Variants in PDK4 observed in about 807,000 individuals in gnomAD.
PDK4 encodes pyruvate dehydrogenase kinase, isozyme 4.
A neutral mutation model predicts 51.7 loss-of-function variants in PDK4; 43 were observed. That is an observed-to-expected ratio of 0.83 (90% CI 0.65 to 1.07). The LOEUF is 1.07. Ranked by LOEUF, PDK4 falls within the 50% of genes least tolerant of loss-of-function variation. The probability of loss-of-function intolerance (pLI) is 0.00; values close to 1 mark genes in which losing one functional copy is unlikely to be tolerated. For synonymous variants in PDK4, 170 were observed against 176.6 expected (o/e 0.96, Z 0.30); for missense variants, 498 against 503.5 (o/e 0.99, Z 0.10).
At position 95,593,686 on chromosome 7, in the gene PDK4, G is replaced by C; in HGVS notation, c.344+13C>G. On this transcript the variant is annotated intron_variant, in intron 3 of 10. Transcript: ENST00000005178. ...CAAAGTTTTAAACACTTATTCTAAT[G>C]CATAGAGCTTACTCTGATAATGCTT... The C allele has an allele frequency of 7.8e-7, 1 of 1,274,620 alleles. No individual in the cohort carries two copies. The allele number at this position is 1,274,620 out of a possible 1,614,324, so 79.0% of individuals were successfully genotyped here.
At chr7:95,587,687 C>A (rs1316687733) in intron 8 of PDK4, 40 bp downstream of exon 8, 8 of 1,390,096 alleles carry the variant, frequency 5.8e-6, no homozygotes, top group South Asian at 1.2e-5. Context: ...CTATTTAATT[C>A]TCTCAAGAGA....
rs998141819 is a variant in PDK4 at position 95,585,569 on chromosome 7, C to T, written c.*72G>A. 18 of 1,351,902 alleles carry T rather than the reference C, an allele frequency of 1.3e-5. No individual in the cohort carries two copies. In the African/African-American group the frequency reaches 2.5e-4, roughly 18 times the overall value. 83.7% of individuals were successfully genotyped at this position (1,351,902 alleles called of 1,614,324 possible). A position where few individuals can be genotyped will look rare whatever the true frequency, so the allele number is the denominator to read the frequency against. ...TTGTTTTGGAGGAAACAAGGGTTCA[C>T]ACACAAACATTCAGGAAGCAGCACT... is the stretch of plus-strand genomic sequence containing the variant. On this transcript the variant is annotated 3_prime_UTR_variant, in exon 11 of 11. Coordinates refer to ENST00000005178, the MANE Select transcript of PDK4 (RefSeq NM_002612.4).
At chr7:95,587,589 T>TA (rs1300314547) in intron 8 of PDK4, 61 bp from the exon 9 acceptor site, 16 of 1,262,010 alleles carry the variant, frequency 1.3e-5, no homozygotes, top group Middle Eastern at 3.7e-4. Flanking sequence ...TTTGTCTAAA[T>TA]AAAAATGGCT....
chr7:95,587,220 G>A, intron 9 of PDK4, 97 bp from the exon 10 acceptor site: 1 of 764,398 alleles, frequency 1.3e-6, no homozygotes, highest in South Asian at 1.6e-5. Context: ...TAATGTCCTA[G>A]AACCTAAATA....
At position 95,596,319 on chromosome 7, in the gene PDK4, G is replaced by A. The variant is rs773890670; in HGVS notation, c.-26C>T. On this transcript the variant is annotated 5_prime_UTR_variant, in exon 1 of 11. Coordinates refer to ENST00000005178, the MANE Select transcript of PDK4 (RefSeq NM_002612.4). Reference sequence around the variant, plus strand: ...CTTGACGCCCACCCGGCCTGGCGGGGACTGTGGCTGGCTTGAGGGGCGAAG... The same window carrying A: ...CTTGACGCCCACCCGGCCTGGCGGGAACTGTGGCTGGCTTGAGGGGCGAAG... The A allele has an allele frequency of 1.3e-6, 2 of 1,555,100 alleles. No individual in the cohort carries two copies. Among genetic ancestry groups the A allele is most frequent in the South Asian group, 1.2e-5 (1 of 84,802 alleles).
At chr7:95,585,977 T>C (rs1056235134) in intron 10 of PDK4, among the ~76,000 whole-genome samples, 196 bp from the exon 11 acceptor site, 1 of 150,890 alleles carries the variant, frequency 6.6e-6, no homozygotes, top group Admixed American at 6.7e-5. Context: ...TTGAAGACTT[T>C]TGCTCATTTA....
chr7:95,586,300 T>G (rs919772950), intron 10 of PDK4, among the ~76,000 whole-genome samples: 2 of 145,076 alleles, frequency 1.4e-5, no homozygotes, highest in African/African-American at 5.1e-5. Context: ...GTTCAAGCAA[T>G]TCTCTTGCCT....
chr7:95,587,357 T>TC (rs1280235290), intron 9 of PDK4, 61 bp downstream of exon 9: 1 of 1,004,774 alleles, frequency 1.0e-6, no homozygotes, highest in Non-Finnish European at 1.6e-6. Flanking sequence ...TCCCTTGCAA[T>TC]CCTTGCTCTA....
At position 95,591,917 on chromosome 7, in the gene PDK4, T is replaced by C. The variant is rs564853579; in HGVS notation, c.694+71A>G. 19 of 816,028 alleles carry C rather than the reference T, an allele frequency of 2.3e-5. 1 individual carries two copies. The South Asian group carries it at 3.2e-4, about 14-fold the overall frequency. 50.5% of individuals were successfully genotyped at this position (816,028 alleles called of 1,614,324 possible). On this transcript the variant is annotated intron_variant, in intron 6 of 10. Coordinates refer to ENST00000005178, the MANE Select transcript of PDK4 (RefSeq NM_002612.4). ...ATGAACACAGAAGTTGCTTTATATTTACAAAAAGCAATAATATTAGGAGAA... is the reference window on the plus strand; with the variant it reads ...ATGAACACAGAAGTTGCTTTATATTCACAAAAAGCAATAATATTAGGAGAA...
intron 6 of PDK4, among the ~76,000 whole-genome samples, 175 bp downstream of exon 6, chr7:95,591,813 T>C (rs896965851): frequency 6.6e-6 from 1 of 152,302 alleles, no homozygotes; most frequent in East Asian, 1.9e-4. Flanking sequence ...ATAGGCAGAA[T>C]TGGAGCCTTC....
chr7:95,594,998 G>A lies in PDK4; in HGVS notation c.272+25C>T, dbSNP rs200456990. The A allele has an allele frequency of 1.1e-4, 173 of 1,549,754 alleles. No homozygotes were observed. In the African/African-American group the frequency reaches 2.0e-3, roughly 18 times the overall value. The stretch of plus-strand genomic sequence containing the variant: ...CCCGGGTAACTGTTTCAAAACTAGA[G>A]ACTTCAATATGGTTCACCACTTACC... On this transcript the variant is annotated intron_variant, in intron 2 of 10. Coordinates refer to ENST00000005178, the MANE Select transcript of PDK4 (RefSeq NM_002612.4).
rs747301664 is a variant in PDK4 at position 95,587,017 on chromosome 7, T to C, written c.1088A>G (p.Tyr363Cys). Residue 363 changes from tyrosine to cysteine, a missense_variant, in exon 10 of 11, where the codon TAC becomes TGC. Physicochemically the swap from Tyr to Cys is radical, Grantham distance 194 (BLOSUM62 -2). Transcript: ENST00000005178. ...ATTGAATTCAAGGGATACCTTTAAG[T>C]AGATGATAGCATCTGTTCCATATCC... is the stretch of plus-strand genomic sequence containing the variant. ...LSGYGTDAII[Y>C]LKALSSESIE... 10 of 1,537,844 alleles carry C rather than the reference T, an allele frequency of 6.5e-6. No homozygotes were observed. Among genetic ancestry groups the C allele is most frequent in the Non-Finnish European group, 8.1e-6 (9 of 1,111,468 alleles).
rs773690779 is a variant in PDK4 at position 95,587,872 on chromosome 7, G to A, written c.772-47C>T. 9.7e-6 allele frequency: 11 copies of A among 1,133,534 alleles called. No homozygotes were observed. In the Admixed American group the frequency reaches 1.5e-4, roughly 15 times the overall value. 70.2% of individuals were successfully genotyped at this position (1,133,534 alleles called of 1,614,324 possible). On this transcript the variant is annotated intron_variant, in intron 7 of 10. Transcript: ENST00000005178. ...GGAATTCAATGGCAGAGGAATGAGG[G>A]ACAATAAATGTTTTTTTTTTTATGT...
intron 7 of PDK4, among the ~76,000 whole-genome samples, chr7:95,588,979 T>A (rs1194787166): frequency 6.6e-6 from 1 of 152,212 alleles, no homozygotes; most frequent in Non-Finnish European, 1.5e-5. Flanking sequence ...GCGATTCTAA[T>A]GCATATTACA....
At chr7:95,585,832 T>C in intron 10 of PDK4, 51 bp from the exon 11 acceptor site, 1 of 1,504,478 alleles carries the variant, frequency 6.6e-7, no homozygotes, top group South Asian at 1.2e-5. Flanking sequence ...ATGCATGGCA[T>C]AATTTGCACT....
At position 95,585,296 on chromosome 7, in the gene PDK4, CT is replaced by C. The variant is rs3214118; in HGVS notation, c.*344del. 0.46 allele frequency: 82,013 copies of C among 178,364 alleles called. 19,619 individuals carry two copies. Among genetic ancestry groups the C allele is most frequent in the East Asian group, 0.81 (5,680 of 7,020 alleles). The allele number at this position is 178,364 out of a possible 1,614,324, so 11.0% of individuals were successfully genotyped here. On this transcript the variant is annotated 3_prime_UTR_variant, in exon 11 of 11. Coordinates refer to ENST00000005178, the MANE Select transcript of PDK4 (RefSeq NM_002612.4). ...TGAACAAGAGGCCTAAAATATCAGT[CT>C]TAGTGAAACTGCTAACCACCATCTT...
Position 95,596,358 on chromosome 7 carries a change from G to A in PDK4, c.-65C>T. 2.0e-6 allele frequency: 3 copies of A among 1,486,642 alleles called. No homozygotes were observed. Among genetic ancestry groups the A allele is most frequent in the Non-Finnish European group, 2.7e-6 (3 of 1,122,092 alleles). 92.1% of individuals were successfully genotyped at this position (1,486,642 alleles called of 1,614,324 possible). A position where few individuals can be genotyped will look rare whatever the true frequency, so the allele number is the denominator to read the frequency against. On this transcript the variant is annotated 5_prime_UTR_variant, in exon 1 of 11. Coordinates refer to ENST00000005178, the MANE Select transcript of PDK4 (RefSeq NM_002612.4). Reference sequence around the variant, plus strand: ...TGAGGGGCGAAGGCTGCTCGGAGCAGAGCCTGGTTCCGAGGGGGCGCGGCG... The same window carrying A: ...TGAGGGGCGAAGGCTGCTCGGAGCAAAGCCTGGTTCCGAGGGGGCGCGGCG...
At chr7:95,589,009 A>G (rs1253269400) in intron 7 of PDK4, among the ~76,000 whole-genome samples, 1 of 152,230 alleles carries the variant, frequency 6.6e-6, no homozygotes, top group Non-Finnish European at 1.5e-5. Flanking sequence ...GCACAACTCT[A>G]CAGGCCTGCT....
At chr7:95,594,076 C>A (rs1222132292) in intron 2 of PDK4, among the ~76,000 whole-genome samples, 1 of 152,090 alleles carries the variant, frequency 6.6e-6, no homozygotes, top group African/African-American at 2.4e-5. Context: ...TTAGAAACAA[C>A]TTTTTTTAAA....
Sources: allele counts gnomAD v4.1 joint callset (sites outside exome capture counted in the v4.1 genomes callset), GRCh38; gene constraint gnomAD v4.1.1; transcripts MANE v1.5; gene names NCBI Gene and HGNC (gene_info 2026-07-23, HGNC 2026-07-21).